Variants in CTNND2 observed in about 807,000 individuals in gnomAD.
CTNND2 encodes catenin delta 2, also known as catenin delta-2.
A neutral mutation model predicts 144.4 loss-of-function variants in CTNND2; 22 were observed. The observed-to-expected ratio is 0.15, with a 90% confidence interval of 0.11 to 0.22. CTNND2 has a LOEUF of 0.22. Ranked by LOEUF, CTNND2 falls within the 10% of genes least tolerant of loss-of-function variation. CTNND2 has a pLI of 1.00. For missense variants in CTNND2, 1,353 were observed against 1,618.8 expected (o/e 0.84, Z 2.82); for synonymous variants, 751 against 695.6 (o/e 1.08, Z -1.25).
intron 9 of CTNND2, among the ~76,000 whole-genome samples, chr5:11,246,821 G>C (rs961177531): frequency 2.6e-5 from 4 of 152,074 alleles, no homozygotes; most frequent in African/African-American, 9.7e-5. Flanking sequence ...TTCCAGAACA[G>C]GAAAACGGAA....
chr5:11,191,298 T>C (rs1056910738), intron 11 of CTNND2, among the ~76,000 whole-genome samples: 1 of 152,102 alleles, frequency 6.6e-6, no homozygotes, highest in Non-Finnish European at 1.5e-5. Flanking sequence ...TGTTGCCCCA[T>C]AGGATTGAGG....
intron 7 of CTNND2, among the ~76,000 whole-genome samples, chr5:11,367,861 T>C (rs1050841673): frequency 6.6e-6 from 1 of 152,198 alleles, no homozygotes; most frequent in Non-Finnish European, 1.5e-5. Flanking sequence ...TCCCCTGCCA[T>C]GACAGACATA....
intron 10 of CTNND2, among the ~76,000 whole-genome samples, chr5:11,235,283 T>C (rs919745892): frequency 2.6e-5 from 4 of 152,186 alleles, no homozygotes; most frequent in African/African-American, 9.7e-5. Context: ...AGAAAAGTTA[T>C]GGTCTTCAAA....
At chr5:11,744,090 G>A (rs6898220) in intron 1 of CTNND2, among the ~76,000 whole-genome samples, 33 of 152,334 alleles carry the variant, frequency 2.2e-4, no homozygotes, top group African/African-American at 7.5e-4. Flanking sequence ...TGCGGTCAGT[G>A]AGGATGGGAG....
intron 1 of CTNND2, among the ~76,000 whole-genome samples, chr5:11,776,599 G>C (rs1790266677): frequency 6.6e-6 from 1 of 151,870 alleles, no homozygotes; most frequent in South Asian, 2.1e-4. Flanking sequence ...TTATACATGG[G>C]AACACTGAGA....
intron 16 of CTNND2, among the ~76,000 whole-genome samples, chr5:11,042,953 T>G (rs1744834598): frequency 6.6e-6 from 1 of 152,210 alleles, no homozygotes; most frequent in Admixed American, 6.5e-5. Flanking sequence ...AGATGCAAGA[T>G]AGTTTAGATG....
At chr5:11,387,130 A>AG (rs542569784) in intron 6 of CTNND2, among the ~76,000 whole-genome samples, 2,673 of 36,696 alleles carry the variant, frequency 0.073, 72 homozygotes, top group African/African-American at 0.17. Flanking sequence ...ACCATATATC[A>AG]GTTTTTTTTG....
intron 1 of CTNND2, among the ~76,000 whole-genome samples, chr5:11,748,060 T>C (rs374969208): frequency 2.0e-5 from 3 of 152,254 alleles, no homozygotes; most frequent in South Asian, 4.1e-4. Context: ...ATGTTTAACC[T>C]ATCACAACAG....
intron 1 of CTNND2, among the ~76,000 whole-genome samples, chr5:11,796,022 C>T (rs971775003): frequency 6.6e-6 from 1 of 152,198 alleles, no homozygotes; most frequent in Non-Finnish European, 1.5e-5. Flanking sequence ...TGGCCTCCTA[C>T]CTCTATCTTC....
intron 10 of CTNND2, among the ~76,000 whole-genome samples, chr5:11,224,707 C>A (rs374533841): frequency 2.0e-4 from 30 of 152,174 alleles, no homozygotes; most frequent in African/African-American, 7.0e-4. Context: ...GACTCTTCCA[C>A]AGTGCTGTTC....
At chr5:11,525,507 C>T (rs1773162992) in intron 3 of CTNND2, among the ~76,000 whole-genome samples, 1 of 152,154 alleles carries the variant, frequency 6.6e-6, no homozygotes, top group Non-Finnish European at 1.5e-5. Flanking sequence ...GGATACATAA[C>T]ATTCCATCAC....
chr5:10,999,721 A>G lies in CTNND2; in HGVS notation c.3085-7044T>C, dbSNP rs555337979. The stretch of plus-strand genomic sequence containing the variant: ...AACTGGAGGTTGTTAAATTGTTCCA[A>G]GTATATAGAGATAGAAATCCAAAAA... On this transcript the variant is annotated intron_variant, in intron 18 of 21. Coordinates refer to ENST00000304623, the MANE Select transcript of CTNND2 (RefSeq NM_001332.4). 1.2e-4 allele frequency among the ~76,000 whole-genome samples: 19 copies of G among 152,296 alleles called. 1 individual carries two copies. In the South Asian group the frequency reaches 3.9e-3, roughly 32 times the overall value.
At chr5:11,187,573 AG>A (rs1460874226) in intron 11 of CTNND2, among the ~76,000 whole-genome samples, 1 of 152,222 alleles carries the variant, frequency 6.6e-6, no homozygotes, top group Non-Finnish European at 1.5e-5. Flanking sequence ...ATACATCAAA[AG>A]CAATTGCCAC....
chr5:11,121,783 T>A (rs143612561), intron 12 of CTNND2, among the ~76,000 whole-genome samples: 36 of 152,280 alleles, frequency 2.4e-4, no homozygotes, highest in African/African-American at 8.4e-4. Context: ...ATGAAAGATG[T>A]GTCTCTGCTT....
rs186091067 is a variant in CTNND2, at chr5:11,149,744, G to C, written c.2159+9832C>G. 2.5e-3 allele frequency among the ~76,000 whole-genome samples: 382 copies of C among 152,144 alleles called. 1 individual carries two copies. The highest frequency in any genetic ancestry group is 6.8e-3 in the Middle Eastern group (2 of 294). On this transcript the variant is annotated intron_variant, in intron 12 of 21. Transcript: ENST00000304623. ...TGTATGACACAGAGGAAGAGCCCAG[G>C]GTCCTAAAAAGCCAGTGTGGAAGGC...
chr5:11,478,619 A>G (rs1184688990), intron 3 of CTNND2, among the ~76,000 whole-genome samples: 4 of 152,146 alleles, frequency 2.6e-5, no homozygotes, highest in Admixed American at 2.0e-4. Flanking sequence ...CTGCTTAACT[A>G]TTTCCCAAAG....
chr5:11,015,706 C>G (rs895629545), intron 18 of CTNND2, among the ~76,000 whole-genome samples: 1 of 152,184 alleles, frequency 6.6e-6, no homozygotes, highest in African/African-American at 2.4e-5. Context: ...AAACAGGAAA[C>G]GTTCAGGATC....
chr5:11,631,185 A>G (rs1781395495), intron 2 of CTNND2, among the ~76,000 whole-genome samples: 1 of 152,168 alleles, frequency 6.6e-6, no homozygotes, highest in African/African-American at 2.4e-5. Flanking sequence ...TATTCTAGAC[A>G]TTTTATAAGA....
chr5:11,216,709 C>T (rs938304174), intron 10 of CTNND2, among the ~76,000 whole-genome samples: 10 of 152,214 alleles, frequency 6.6e-5, no homozygotes, highest in Non-Finnish European at 1.2e-4. Flanking sequence ...AGCAGCAATA[C>T]AGTGCTCATA....
Sources: gnomAD v4.1 joint callset for allele counts (sites outside exome capture counted in the v4.1 genomes callset) on GRCh38, gnomAD v4.1.1 for gene constraint, MANE v1.5 for transcripts, NCBI Gene and HGNC (gene_info 2026-07-23, HGNC 2026-07-21) for gene names.